Variants in LIMCH1 observed in about 807,000 individuals in gnomAD.
The protein encoded by LIMCH1 is LIM and calponin homology domains 1.
In LIMCH1, 113 loss-of-function variants were observed where a neutral mutation model predicts 176.5. The observed-to-expected ratio is 0.64, with a 90% CI of 0.55 to 0.75. The LOEUF is 0.75. Among genes scored for constraint, LIMCH1 ranks in the 30% least tolerant of loss-of-function variants. LIMCH1 has a pLI of 0.00. For missense variants in LIMCH1, 1,674 were observed against 1,814.9 expected, an observed-to-expected ratio of 0.92 and a Z score of 1.41; for synonymous variants, 619 against 645.9, an observed-to-expected ratio of 0.96 and a Z score of 0.63.
intron 17 of LIMCH1, among the ~76,000 whole-genome samples, chr4:41,648,426 G>A (rs1167025783): frequency 3.3e-5 from 5 of 152,242 alleles, no homozygotes; most frequent in Non-Finnish European, 5.9e-5. Context: ...CCATGGAGGG[G>A]GTTATTAGAG....
intron 1 of LIMCH1, among the ~76,000 whole-genome samples, chr4:41,593,072 T>G (rs754698497): frequency 4.5e-4 from 69 of 152,216 alleles, no homozygotes; most frequent in Non-Finnish European, 6.8e-4. Flanking sequence ...TCCTGGGCTA[T>G]TCCCTCACCT....
At chr4:41,426,017 C>CTTTTTTTTTTTTTTTTTTTTTTTTTTT (rs913325890) in intron 1 of LIMCH1, among the ~76,000 whole-genome samples, 1 of 102,886 alleles carries the variant, frequency 9.7e-6, no homozygotes, top group Non-Finnish European at 1.9e-5. Context: ...TGAAAAGATT[C>CTTTTTTTTTTTTTTTTTTTTTTTTTTT]TTTTTTTTTT....
chr4:41,528,707 C>T (rs1028114562), intron 3 of LIMCH1, among the ~76,000 whole-genome samples: 12 of 152,070 alleles, frequency 7.9e-5, no homozygotes, highest in Non-Finnish European at 1.6e-4. Context: ...GAAGCCATGC[C>T]CGTGTGTCTT....
At chr4:41,521,033 C>CT (rs1469643153) in intron 2 of LIMCH1, among the ~76,000 whole-genome samples, 1 of 152,094 alleles carries the variant, frequency 6.6e-6, no homozygotes, top group East Asian at 1.9e-4. Flanking sequence ...AACTTGGATC[C>CT]TATGTGTCTT....
At chr4:41,641,178 C>T (rs2093807884) in intron 14 of LIMCH1, among the ~76,000 whole-genome samples, 1 of 152,098 alleles carries the variant, frequency 6.6e-6, no homozygotes, top group Admixed American at 6.5e-5. Flanking sequence ...AGGGCATAGA[C>T]GTAGGTACTG....
intron 28 of LIMCH1, among the ~76,000 whole-genome samples, chr4:41,687,442 A>C (rs1057167): frequency 6.6e-6 from 1 of 152,026 alleles, no homozygotes; most frequent in South Asian, 2.1e-4. Flanking sequence ...ATCCCTCCTC[A>C]TCTTTCCCCT....
At chr4:41,560,779 G>A (rs1394208102) in intron 1 of LIMCH1, among the ~76,000 whole-genome samples, 1 of 152,076 alleles carries the variant, frequency 6.6e-6, no homozygotes, top group Non-Finnish European at 1.5e-5. Context: ...AGCACTTTGG[G>A]AGACCAAGGT....
At chr4:41,668,218 A>G (rs896844004) in intron 21 of LIMCH1, among the ~76,000 whole-genome samples, 7 of 152,194 alleles carry the variant, frequency 4.6e-5, no homozygotes, top group African/African-American at 1.4e-4. Context: ...TATCTACATA[A>G]CAGGGAACTC....
intron 1 of LIMCH1, among the ~76,000 whole-genome samples, chr4:41,483,125 G>A (rs981910310): frequency 6.6e-6 from 1 of 152,100 alleles, no homozygotes; most frequent in African/African-American, 2.4e-5. Flanking sequence ...GATGCTGTGG[G>A]TAGAGGGGTA....
Position 41,698,169 on chromosome 4 carries a change from G to A in LIMCH1, c.*984G>A, listed in dbSNP as rs1398342909. On this transcript the variant is annotated 3_prime_UTR_variant, in exon 32 of 32. Coordinates refer to ENST00000503057, the MANE Select transcript of LIMCH1 (RefSeq NM_001330672.2). ...ACCCTTGCTGGCAAGTTCTCCTTAA[G>A]GGCCTGAAGCACAGGTGTCCAAAGA... 1 of 151,928 alleles carries A rather than the reference G, an allele frequency of 6.6e-6. No individual in the cohort carries two copies. Among genetic ancestry groups the A allele is most frequent in the Non-Finnish European group, 1.5e-5 (1 of 68,142 alleles). The allele number at this position is 151,928 out of a possible 1,614,324, so 9.4% of individuals were successfully genotyped here.
intron 1 of LIMCH1, among the ~76,000 whole-genome samples, chr4:41,390,118 A>G (rs2057030935): frequency 6.6e-6 from 1 of 152,054 alleles, no homozygotes; most frequent in African/African-American, 2.4e-5. Flanking sequence ...CCCAAGTTCT[A>G]GGTGTCCCTT....
At chr4:41,429,119 G>T (rs944899609) in intron 1 of LIMCH1, among the ~76,000 whole-genome samples, 2 of 152,144 alleles carry the variant, frequency 1.3e-5, no homozygotes, top group Admixed American at 1.3e-4. Context: ...TGCTTGAGTG[G>T]CTGTGCTGAA....
At chr4:41,445,144 T>C (rs1261833306) in intron 1 of LIMCH1, among the ~76,000 whole-genome samples, 6 of 151,182 alleles carry the variant, frequency 4.0e-5, no homozygotes, top group African/African-American at 1.5e-4. Context: ...TAGCTGGAAC[T>C]ACAGGTGCAC....
intron 1 of LIMCH1, among the ~76,000 whole-genome samples, chr4:41,565,424 AT>A (rs2082636850): frequency 6.7e-6 from 1 of 148,926 alleles, no homozygotes; most frequent in Admixed American, 6.7e-5. Context: ...CATATATATG[AT>A]AAATTAAATA....
At chr4:41,666,836 C>A (rs79394010) in intron 21 of LIMCH1, among the ~76,000 whole-genome samples, 170 bp downstream of exon 21, 11,269 of 152,202 alleles carry the variant, frequency 0.074, 517 homozygotes, top group South Asian at 0.14. Context: ...AAAGCTGGAG[C>A]CGGATTCTCT....
chr4:41,555,832 TC>T (rs1017835668), intron 1 of LIMCH1, among the ~76,000 whole-genome samples: 3 of 152,146 alleles, frequency 2.0e-5, no homozygotes, highest in African/African-American at 7.2e-5. Context: ...AACCTCGACC[TC>T]CCAGGTTCAG....
chr4:41,644,541 C>T lies in LIMCH1; in HGVS notation c.2168C>T (p.Ala723Val). Residue 723 changes from alanine (A) to valine (V), a missense_variant, in exon 15 of 32, where the codon GCG becomes GTG. Physicochemically the swap from Ala to Val is moderately conservative, Grantham distance 64 (BLOSUM62 0). Coordinates refer to ENST00000503057, the MANE Select transcript of LIMCH1 (RefSeq NM_001330672.2). ...GACATGCGGTGTGAGGAGGAGGCCG[C>T]GGTGCAGCCGCACAGCAGGGCCCGC... ...MFDMRCEEEA[A>V]VQPHSRARQE... is the part of the protein sequence containing the mutation. 1.9e-6 allele frequency: 3 copies of T among 1,598,744 alleles called. No individual in the cohort carries two copies. The highest frequency in any genetic ancestry group is 1.7e-6 in the Non-Finnish European group (2 of 1,172,950).
At chr4:41,576,407 TA>T (rs2084472704) in intron 1 of LIMCH1, among the ~76,000 whole-genome samples, 1 of 152,250 alleles carries the variant, frequency 6.6e-6, no homozygotes, top group Non-Finnish European at 1.5e-5. Flanking sequence ...TATCAAATTT[TA>T]AAAATACAGA....
chr4:41,634,279 G>A lies in LIMCH1; in HGVS notation c.2090+471G>A, dbSNP rs116840234. Among the ~76,000 whole-genome samples, 880 of 152,252 alleles carry A rather than the reference G, an allele frequency of 5.8e-3. 11 individuals carry two copies. The highest frequency in any genetic ancestry group is 0.02 in the African/African-American group (826 of 41,544). ...TTAGAGTCAACCATGACTTGATGACGACTAAGGAAATAATTATCCTGGGGT... is the reference window on the plus strand; with the variant it reads ...TTAGAGTCAACCATGACTTGATGACAACTAAGGAAATAATTATCCTGGGGT... On this transcript the variant is annotated intron_variant, in intron 13 of 31. Transcript: ENST00000503057.
Sources: gnomAD v4.1 joint callset for allele counts (sites outside exome capture counted in the v4.1 genomes callset) on GRCh38, gnomAD v4.1.1 for gene constraint, MANE v1.5 for transcripts, NCBI Gene and HGNC (gene_info 2026-07-23, HGNC 2026-07-21) for gene names.